CDK6: variants seen among roughly 807,000 people sequenced by gnomAD.
CDK6 encodes cyclin dependent kinase 6, also known as cyclin-dependent kinase 6.
Under a neutral mutation model 37.1 loss-of-function variants are expected in CDK6, and 6 were observed. The ratio of observed to expected loss-of-function variants is 0.16; its 90% CI spans 0.09 to 0.32. The LOEUF (loss-of-function observed/expected upper bound fraction) is 0.32. Among genes scored for constraint, CDK6 ranks in the 10% least tolerant of loss-of-function variants. The pLI, the probability that CDK6 is intolerant of heterozygous loss-of-function variation, is 1.00. For missense variants in CDK6, 224 were observed against 418.9 expected, an observed-to-expected ratio of 0.53 and a Z score of 4.06; for synonymous variants, 160 against 161.3, an observed-to-expected ratio of 0.99 and a Z score of 0.06.
At chr7:92,646,024 G>T (rs1414325777) in intron 5 of CDK6, among the ~76,000 whole-genome samples, 4 of 152,184 alleles carry the variant, frequency 2.6e-5, no homozygotes. Context: ...GTACAGCCAG[G>T]TCTTGCTTTT....
intron 4 of CDK6, among the ~76,000 whole-genome samples, chr7:92,689,619 G>A (rs1797554355): frequency 6.6e-6 from 1 of 152,128 alleles, no homozygotes; most frequent in Non-Finnish European, 1.5e-5. Context: ...CTTTATAATA[G>A]AATGATTTAT....
At chr7:92,781,276 G>C (rs960927389) in intron 2 of CDK6, among the ~76,000 whole-genome samples, 8 of 152,190 alleles carry the variant, frequency 5.3e-5, no homozygotes, top group Non-Finnish European at 1.0e-4. Flanking sequence ...GTCCTGACCC[G>C]CCAGCTGCAG....
intron 3 of CDK6, among the ~76,000 whole-genome samples, chr7:92,743,599 T>C (rs1326957258): frequency 6.6e-6 from 1 of 152,042 alleles, no homozygotes; most frequent in African/African-American, 2.4e-5. Context: ...GTCCAGTAGC[T>C]TGTAAAAAGG....
At chr7:92,655,135 T>G (rs887280590) in intron 5 of CDK6, among the ~76,000 whole-genome samples, 2 of 151,986 alleles carry the variant, frequency 1.3e-5, no homozygotes, top group Admixed American at 1.3e-4. Context: ...TGTGAGCCAT[T>G]GCACCTGGCC....
chr7:92,628,336 T>C (rs1171025278), intron 5 of CDK6, among the ~76,000 whole-genome samples: 1 of 151,332 alleles, frequency 6.6e-6, no homozygotes, highest in African/African-American at 2.4e-5. Flanking sequence ...TGCACATATA[T>C]GATCTGTTCA....
chr7:92,785,677 G>A (rs999760131), intron 2 of CDK6, among the ~76,000 whole-genome samples: 6 of 152,204 alleles, frequency 3.9e-5, no homozygotes, highest in Non-Finnish European at 7.3e-5. Context: ...TCCAGAATCT[G>A]ATTTTCTAAC....
At chr7:92,750,266 C>G (rs1051327529) in intron 3 of CDK6, among the ~76,000 whole-genome samples, 9 of 152,148 alleles carry the variant, frequency 5.9e-5, no homozygotes, top group Non-Finnish European at 1.3e-4. Context: ...AACTCACCAC[C>G]CTCTTCGGGA....
chr7:92,627,708 G>A (rs181633086), intron 5 of CDK6, among the ~76,000 whole-genome samples: 2 of 152,106 alleles, frequency 1.3e-5, no homozygotes. Context: ...AAAATCGACT[G>A]TGGTGGTAGT....
chr7:92,789,178 A>G (rs1037428776), intron 2 of CDK6, among the ~76,000 whole-genome samples: 2 of 152,190 alleles, frequency 1.3e-5, no homozygotes, highest in African/African-American at 4.8e-5. Flanking sequence ...TTAACCAAGA[A>G]TTCTATATCT....
chr7:92,689,921 C>T (rs1190924893), intron 4 of CDK6, among the ~76,000 whole-genome samples: 5 of 151,958 alleles, frequency 3.3e-5, no homozygotes, highest in East Asian at 3.9e-4. Context: ...GCTGCATGTA[C>T]GTCTTCTTTT....
At chr7:92,827,346 C>A (rs1385582800) in intron 2 of CDK6, among the ~76,000 whole-genome samples, 2 of 152,126 alleles carry the variant, frequency 1.3e-5, no homozygotes, top group Non-Finnish European at 2.9e-5. Flanking sequence ...CAAATTTCGG[C>A]AAACTACTAT....
intron 5 of CDK6, among the ~76,000 whole-genome samples, chr7:92,635,176 G>GA (rs1044725054): frequency 7.2e-5 from 11 of 152,196 alleles, no homozygotes; most frequent in Admixed American, 5.2e-4. Context: ...TTCCTCTTGG[G>GA]AAAAAAAGAT....
At chr7:92,767,977 G>A (rs2374594) in intron 3 of CDK6, among the ~76,000 whole-genome samples, 8,896 of 151,932 alleles carry the variant, frequency 0.059, 331 homozygotes, top group South Asian at 0.11. Context: ...GCATAATAAG[G>A]GTCTACAATG....
At chr7:92,750,466 C>T (rs1335819883) in intron 3 of CDK6, among the ~76,000 whole-genome samples, 4 of 152,220 alleles carry the variant, frequency 2.6e-5, no homozygotes, top group Admixed American at 2.0e-4. Flanking sequence ...GTGGATTCCA[C>T]TTTGATCAAC....
At chr7:92,735,982 T>C (rs1798777410) in intron 3 of CDK6, among the ~76,000 whole-genome samples, 1 of 152,140 alleles carries the variant, frequency 6.6e-6, no homozygotes, top group Non-Finnish European at 1.5e-5. Context: ...AGATGTAAAT[T>C]TCCATTTTTG....
At chr7:92,823,537 C>T (rs1801232503) in intron 2 of CDK6, among the ~76,000 whole-genome samples, 1 of 147,786 alleles carries the variant, frequency 6.8e-6, no homozygotes, top group African/African-American at 2.5e-5. Flanking sequence ...GTATTTCATT[C>T]ATGATCAGCA....
At chr7:92,635,516 T>C (rs1796150159) in intron 5 of CDK6, among the ~76,000 whole-genome samples, 1 of 152,110 alleles carries the variant, frequency 6.6e-6, no homozygotes, top group Non-Finnish European at 1.5e-5. Context: ...TAATAAACCA[T>C]GTGAATGAAG....
rs1000608277 is a variant in CDK6, at chr7:92,835,874, G to C, written c.-368+604C>G. On this transcript the variant is annotated intron_variant, in intron 1 of 7. Transcript: ENST00000424848. This position sits in a 1 kb window ranked among gnomAD's most constrained non-coding sequence, Gnocchi z 4.2. ...AGTAAACTTGGAAACTACAGCAAAC[G>C]TGCGTCTTCGCGGGGCTCCAAGCCT... Among the ~76,000 whole-genome samples, 1 of 152,238 alleles carries C rather than the reference G, an allele frequency of 6.6e-6. No individual in the cohort carries two copies. The highest frequency in any genetic ancestry group is 2.4e-5 in the African/African-American group (1 of 41,454).
intron 5 of CDK6, among the ~76,000 whole-genome samples, chr7:92,668,126 G>C (rs1796999519): frequency 1.3e-5 from 2 of 151,990 alleles, no homozygotes; most frequent in South Asian, 4.2e-4. Context: ...TATTTCTACT[G>C]TATCTTTTCT....
Sources: allele counts gnomAD v4.1 joint callset (sites outside exome capture counted in the v4.1 genomes callset), GRCh38; gene constraint gnomAD v4.1.1; non-coding constraint Gnocchi (gnomAD v3.1); transcripts MANE v1.5; gene names NCBI Gene and HGNC (gene_info 2026-07-23, HGNC 2026-07-21).